Variants in TFAP2E observed in about 807,000 individuals in gnomAD.
TFAP2E encodes transcription factor AP-2 epsilon, also known as transcription factor AP-2-epsilon.
TFAP2E carries 30 observed loss-of-function variants against 37.9 expected under a neutral mutation model. The observed-to-expected ratio is 0.79, with a 90% CI of 0.59 to 1.07. TFAP2E has a LOEUF of 1.07. Ranked by LOEUF, TFAP2E falls within the 50% of genes least tolerant of loss-of-function variation. The pLI, the probability that TFAP2E is intolerant of heterozygous loss-of-function variation, is 0.00. For missense variants in TFAP2E, 567 were observed against 637.9 expected (o/e 0.89, Z 1.20); for synonymous variants, 318 against 295.8 (o/e 1.08, Z -0.77).
intron 3 of TFAP2E, among the ~76,000 whole-genome samples, chr1:35,586,125 G>A (rs1649473707): frequency 6.6e-6 from 1 of 152,126 alleles, no homozygotes; most frequent in African/African-American, 2.4e-5. Context: ...GGTCAGCTTG[G>A]GTCTAGAGCC....
chr1:35,583,119 T>G (rs1255125452), intron 3 of TFAP2E, among the ~76,000 whole-genome samples: 1 of 152,144 alleles, frequency 6.6e-6, no homozygotes, highest in African/African-American at 2.4e-5. Context: ...CAAGTTGCTC[T>G]TAAACTCCTG....
chr1:35,582,849 G>A (rs1239622665), intron 3 of TFAP2E, among the ~76,000 whole-genome samples: 2 of 151,416 alleles, frequency 1.3e-5, no homozygotes, highest in African/African-American at 4.9e-5. Context: ...ATCTTTTGAG[G>A]TGCAAAAGTT....
intron 6 of TFAP2E, among the ~76,000 whole-genome samples, chr1:35,593,041 AAG>A (rs901826822): frequency 2.3e-4 from 31 of 136,036 alleles, no homozygotes; most frequent in African/African-American, 7.2e-4. Context: ...GGGATAGAGA[AAG>A]AGAGAAAGAA....
At position 35,594,668 on chromosome 1, in the gene TFAP2E, C is replaced by T. The variant is rs750476697; in HGVS notation, c.1321C>T (p.Arg441Trp). ...TKASEKDAKHRK is the reference protein window; with the variant it reads ...TKASEKDAKHWK Reference sequence around the variant, plus strand: ...GGCTTCGGAGAAGGATGCCAAGCATCGGAAATAACTGCTTCTCCCACCCCA... The same window carrying T: ...GGCTTCGGAGAAGGATGCCAAGCATTGGAAATAACTGCTTCTCCCACCCCA... Residue 441 changes from arginine (R) to tryptophan (W), a missense_variant, in exon 7 of 7, where the codon CGG (arginine) becomes TGG (tryptophan). Physicochemically the swap from Arg to Trp is moderately radical, Grantham distance 101 (BLOSUM62 -3). This residue lies in a region of TFAP2E where 252 missense variants were observed against 302.6 expected (regional missense o/e 0.83). Coordinates refer to ENST00000373235, the MANE Select transcript of TFAP2E (RefSeq NM_178548.4). 33 of 1,613,782 alleles carry T rather than the reference C, an allele frequency of 2.0e-5. No homozygotes were observed. Among genetic ancestry groups the T allele is most frequent in the Non-Finnish European group, 2.3e-5 (27 of 1,180,048 alleles).
In TFAP2E at chr1:35,575,079, CG is replaced by C; in HGVS notation, c.562+80del. On this transcript the variant is annotated intron_variant, in intron 3 of 6. Transcript: ENST00000373235. ...GCACAGATCCATTTTCTTCACCGGC[CG>C]TGCCTCCTGTGTGTCGCCAGGCTGG... is the stretch of plus-strand genomic sequence containing the variant. 3 of 1,578,752 alleles carry C rather than the reference CG, an allele frequency of 1.9e-6. No homozygotes were observed. In the South Asian group the frequency reaches 3.3e-5, roughly 17 times the overall value.
intron 6 of TFAP2E, among the ~76,000 whole-genome samples, chr1:35,592,257 C>A (rs189941365): frequency 0.012 from 1,875 of 150,174 alleles, 20 homozygotes; most frequent in Admixed American, 0.023. Flanking sequence ...TGTACTCTAG[C>A]CTGCGTGACA....
intron 3 of TFAP2E, among the ~76,000 whole-genome samples, chr1:35,576,147 CACT>C (rs1649164107): frequency 6.6e-6 from 1 of 152,212 alleles, no homozygotes; most frequent in South Asian, 2.1e-4. Flanking sequence ...ATTTGCCCTC[CACT>C]TGTTCTCAGG....
chr1:35,575,026 G>A, intron 3 of TFAP2E, 26 bp downstream of exon 3: 1 of 1,613,712 alleles, frequency 6.2e-7, no homozygotes. Flanking sequence ...TCAGGGCAGA[G>A]CCCGGCGAGA....
intron 3 of TFAP2E, among the ~76,000 whole-genome samples, chr1:35,579,878 T>C (rs1649295966): frequency 6.6e-6 from 1 of 151,990 alleles, no homozygotes; most frequent in African/African-American, 2.4e-5. Flanking sequence ...TGGAAAACCT[T>C]GGAGCAGGGG....
At chr1:35,582,498 T>A (rs186108579) in intron 3 of TFAP2E, among the ~76,000 whole-genome samples, 1 of 151,506 alleles carries the variant, frequency 6.6e-6, no homozygotes, top group Non-Finnish European at 1.5e-5. Flanking sequence ...TTTGCATTTT[T>A]AAAAATTATC....
chr1:35,593,740 A>G (rs1293482379), intron 6 of TFAP2E, among the ~76,000 whole-genome samples: 2 of 152,180 alleles, frequency 1.3e-5, no homozygotes, highest in Non-Finnish European at 2.9e-5. Context: ...CACAAAGATG[A>G]ATGATGAGTG....
At position 35,595,030 on chromosome 1, in the gene TFAP2E, C is replaced by G; in HGVS notation, c.*354C>G. The G allele has an allele frequency of 6.8e-6, 2 of 294,964 alleles. No homozygotes were observed. The highest frequency in any genetic ancestry group is 7.5e-5 in the South Asian group (2 of 26,684). 18.3% of individuals were successfully genotyped at this position (294,964 alleles called of 1,614,324 possible). A position where few individuals can be genotyped will look rare whatever the true frequency, so the allele number is the denominator to read the frequency against. ...CCGTGGGTGCTTCTAGAGGCCAAAG[C>G]CTTTGTGTTTTTCACTGGTGGCAGG... On this transcript the variant is annotated 3_prime_UTR_variant, in exon 7 of 7. Transcript: ENST00000373235.
chr1:35,578,537 G>T (rs1571098842), intron 3 of TFAP2E, among the ~76,000 whole-genome samples: 1 of 152,280 alleles, frequency 6.6e-6, no homozygotes, highest in South Asian at 2.1e-4. Context: ...GTTCCCTCTG[G>T]AGGAGAGTGG....
At chr1:35,578,535 T>C (rs1404283684) in intron 3 of TFAP2E, among the ~76,000 whole-genome samples, 1 of 152,116 alleles carries the variant, frequency 6.6e-6, no homozygotes, top group African/African-American at 2.4e-5. Context: ...TCGTTCCCTC[T>C]GGAGGAGAGT....
Position 35,577,740 on chromosome 1 carries a change from T to G in TFAP2E, c.562+2740T>G. ...GAGCTCGCAGGGCCCAGACCTGGGT[T>G]GGAAAAGCTTCGCTGACTGCAGGCA... On this transcript the variant is annotated intron_variant, in intron 3 of 6. Transcript: ENST00000373235. This position sits in a 1 kb window ranked among gnomAD's most constrained non-coding sequence, Gnocchi z 6.3. 4.0e-6 allele frequency: 1 copy of G among 248,682 alleles called. No homozygotes were observed. Among genetic ancestry groups the G allele is most frequent in the Non-Finnish European group, 8.4e-6 (1 of 119,670 alleles). 15.4% of individuals were successfully genotyped at this position (248,682 alleles called of 1,614,324 possible).
intron 3 of TFAP2E, among the ~76,000 whole-genome samples, chr1:35,579,875 C>T (rs1649295838): frequency 6.6e-6 from 1 of 152,032 alleles, no homozygotes; most frequent in East Asian, 1.9e-4. Context: ...CTATGGAAAA[C>T]CTTGGAGCAG....
intron 3 of TFAP2E, among the ~76,000 whole-genome samples, chr1:35,580,631 T>C (rs895900939): frequency 6.6e-6 from 1 of 151,578 alleles, no homozygotes. Flanking sequence ...AAACATTAGC[T>C]GGGCGTGGTG....
rs1649559323 is a variant in TFAP2E at position 35,588,585 on chromosome 1, T to C, written c.785+33T>C. ...GGCCAGCCCACAATTCCCCGCCTGA[T>C]TGGATCCCTGGCCTCTTCAGGCCTT... On this transcript the variant is annotated intron_variant, in intron 4 of 6. Coordinates refer to ENST00000373235, the MANE Select transcript of TFAP2E (RefSeq NM_178548.4). The surrounding 1 kb of genome is among the most constrained non-coding windows in gnomAD (Gnocchi z 5.1). 6.5e-7 allele frequency: 1 copy of C among 1,539,210 alleles called. No individual in the cohort carries two copies. Among genetic ancestry groups the C allele is most frequent in the Admixed American group, 1.8e-5 (1 of 55,384 alleles).
intron 3 of TFAP2E, among the ~76,000 whole-genome samples, chr1:35,580,668 G>C (rs775913879): frequency 2.6e-5 from 4 of 151,646 alleles, no homozygotes; most frequent in Non-Finnish European, 5.9e-5. Context: ...CCAGCTACTC[G>C]GGAGGCTGAG....
Sources: allele counts gnomAD v4.1 joint callset (sites outside exome capture counted in the v4.1 genomes callset), GRCh38; gene constraint gnomAD v4.1.1; regional missense constraint gnomAD v4.1.1; non-coding constraint Gnocchi (gnomAD v3.1); transcripts MANE v1.5; gene names NCBI Gene and HGNC (gene_info 2026-07-23, HGNC 2026-07-21).